The following SULT4A1 variants were observed in gnomAD, a reference collection of about 807,000 sequenced individuals.
The protein encoded by SULT4A1 is sulfotransferase family 4A member 1.
In SULT4A1, 11 loss-of-function variants were observed where a neutral mutation model predicts 35.2. The ratio of observed to expected loss-of-function variants is 0.31; its 90% CI spans 0.20 to 0.52. SULT4A1 has a LOEUF of 0.52. Ranked by LOEUF, SULT4A1 falls within the 20% of genes least tolerant of loss-of-function variation. The probability of loss-of-function intolerance (pLI) is 0.97; values close to 1 mark genes in which losing one functional copy is unlikely to be tolerated. For missense variants in SULT4A1, 271 were observed against 383.7 expected (o/e 0.71, Z 2.45); for synonymous variants, 152 against 151.8 (o/e 1.00, Z -0.01).
intron 1 of SULT4A1, among the ~76,000 whole-genome samples, chr22:43,856,936 G>A (rs1329580296): frequency 6.6e-6 from 1 of 152,072 alleles, no homozygotes; most frequent in Non-Finnish European, 1.5e-5. Flanking sequence ...CACAAAAAAG[G>A]CACACGCGCA....
At chr22:43,839,840 C>T (rs749013505) in intron 3 of SULT4A1, 105 bp downstream of exon 3, 4 of 1,116,150 alleles carry the variant, frequency 3.6e-6, no homozygotes, top group Admixed American at 4.0e-5. Context: ...GAAGACAGCC[C>T]CCAAGGCCAG....
chr22:43,845,778 C>T (rs2063472478), intron 1 of SULT4A1, among the ~76,000 whole-genome samples: 1 of 152,108 alleles, frequency 6.6e-6, no homozygotes, highest in African/African-American at 2.4e-5. Flanking sequence ...ACGAGATTCT[C>T]ATAGGAGCAC....
intron 1 of SULT4A1, among the ~76,000 whole-genome samples, chr22:43,852,527 AG>A (rs947881070): frequency 1.3e-5 from 2 of 152,198 alleles, no homozygotes. Flanking sequence ...GCAACAGCCC[AG>A]GACCTGGGAG....
chr22:43,826,450 G>C (rs928297630), intron 6 of SULT4A1: 1 of 985,114 alleles, frequency 1.0e-6, no homozygotes, highest in Non-Finnish European at 1.2e-6. Flanking sequence ...CCAGCACCTA[G>C]AACGGCACCT....
chr22:43,853,106 A>G (rs2049360485), intron 1 of SULT4A1, among the ~76,000 whole-genome samples: 2 of 151,946 alleles, frequency 1.3e-5, no homozygotes, highest in African/African-American at 2.4e-5. Context: ...CAGCACGCAC[A>G]CACACACCAG....
chr22:43,843,736 C>T (rs1223626022), intron 1 of SULT4A1, among the ~76,000 whole-genome samples: 1 of 152,256 alleles, frequency 6.6e-6, no homozygotes, highest in African/African-American at 2.4e-5. Context: ...CCTCCTCCAT[C>T]CTCCACAGAC....
rs2269601 is a variant in SULT4A1 at position 43,862,156 on chromosome 22, G to C, written c.169+58C>G. On this transcript the variant is annotated intron_variant, in intron 1 of 6. Transcript: ENST00000330884. ...CCCCGGGCGCGGGCGCGGCGTCTAC[G>C]CGGCCGCGCTGCAGGGCTGGGGCAT... The C allele has an allele frequency of 0.23, 302,813 of 1,318,454 alleles. 36,962 individuals carry two copies. The highest frequency in any genetic ancestry group is 0.5 in the East Asian group (15,192 of 30,474). 81.7% of individuals were successfully genotyped at this position (1,318,454 alleles called of 1,614,324 possible).
At chr22:43,827,024 T>C (rs1396935159) in intron 6 of SULT4A1, 1 of 985,360 alleles carries the variant, frequency 1.0e-6, no homozygotes, top group Non-Finnish European at 1.2e-6. Flanking sequence ...CCATTGTCTT[T>C]GTTAATATAA....
At chr22:43,839,818 TG>T in intron 3 of SULT4A1, 126 bp downstream of exon 3, 1 of 849,416 alleles carries the variant, frequency 1.2e-6, no homozygotes. Context: ...TCTTCACGTG[TG>T]GGCTCCTTGG....
intron 5 of SULT4A1, among the ~76,000 whole-genome samples, chr22:43,832,528 A>G (rs1338244315): frequency 2.6e-5 from 4 of 152,060 alleles, no homozygotes; most frequent in Non-Finnish European, 5.9e-5. Flanking sequence ...AAAGCAACCC[A>G]AGAACAACTG....
At chr22:43,843,418 T>C (rs2063449577) in intron 1 of SULT4A1, among the ~76,000 whole-genome samples, 1 of 152,084 alleles carries the variant, frequency 6.6e-6, no homozygotes, top group African/African-American at 2.4e-5. Context: ...TGAGAATCTA[T>C]CTCAAAAAAC....
intron 2 of SULT4A1, 49 bp from the exon 3 acceptor site, chr22:43,840,074 A>C (rs1308571650): frequency 1.9e-6 from 2 of 1,027,066 alleles, no homozygotes; most frequent in Non-Finnish European, 2.7e-6. Context: ...GGTGAGACCA[A>C]GGGGAGGAGT....
At chr22:43,848,944 G>A (rs2063493635) in intron 1 of SULT4A1, among the ~76,000 whole-genome samples, 4 of 152,252 alleles carry the variant, frequency 2.6e-5, no homozygotes, top group South Asian at 2.1e-4. Context: ...TTCGCAAGTC[G>A]GCTGGAAGCA....
intron 1 of SULT4A1, among the ~76,000 whole-genome samples, chr22:43,853,365 G>A (rs1475915032): frequency 1.3e-5 from 2 of 152,236 alleles, no homozygotes; most frequent in South Asian, 2.1e-4. Context: ...ACCCATGACA[G>A]TGGCAGCTCA....
In SULT4A1 at chr22:43,862,314, A is replaced by G. The variant is rs776368429; in HGVS notation, c.69T>C (p.His23=). Reference sequence around the variant, plus strand: ...GGCAGAAGGGCGGCAGCCGCACGCCATGGAACTCGAAGTACTTGCTCTCGA... The same window carrying G: ...GGCAGAAGGGCGGCAGCCGCACGCCGTGGAACTCGAAGTACTTGCTCTCGA... The part of the protein sequence containing the change: ...GEFESKYFEF[H]GVRLPPFCRG... The change falls in exon 1 of 7, where the codon CAT becomes CAC. Residue 23 remains histidine (H), a synonymous_variant. Coordinates refer to ENST00000330884, the MANE Select transcript of SULT4A1 (RefSeq NM_014351.4). 15 of 1,560,690 alleles carry G rather than the reference A, an allele frequency of 9.6e-6. No homozygotes were observed. Among genetic ancestry groups the G allele is most frequent in the Non-Finnish European group, 1.3e-5 (15 of 1,152,352 alleles).
At chr22:43,840,536 C>T (rs2063418555) in intron 2 of SULT4A1, among the ~76,000 whole-genome samples, 1 of 152,136 alleles carries the variant, frequency 6.6e-6, no homozygotes, top group Non-Finnish European at 1.5e-5. Flanking sequence ...AGGATCTGCT[C>T]AGGGGGCCTG....
intron 1 of SULT4A1, among the ~76,000 whole-genome samples, chr22:43,851,700 C>A (rs1223084774): frequency 6.6e-6 from 1 of 152,202 alleles, no homozygotes; most frequent in Non-Finnish European, 1.5e-5. Flanking sequence ...AGTGTGCAGC[C>A]TGTGGGAGAT....
At chr22:43,833,861 G>T in intron 4 of SULT4A1, 127 bp from the exon 5 acceptor site, 1 of 787,138 alleles carries the variant, frequency 1.3e-6, no homozygotes, top group Non-Finnish European at 2.0e-6. Context: ...CGTGATCCCT[G>T]CGGACAAGTC....
chr22:43,828,013 G>A (rs755017565), intron 6 of SULT4A1, among the ~76,000 whole-genome samples: 1 of 152,152 alleles, frequency 6.6e-6, no homozygotes, highest in Non-Finnish European at 1.5e-5. Context: ...GCCCTTAGCC[G>A]TGATCAGCCC....
Sources: gnomAD v4.1 joint callset for allele counts (sites outside exome capture counted in the v4.1 genomes callset) on GRCh38, gnomAD v4.1.1 for gene constraint, MANE v1.5 for transcripts, NCBI Gene and HGNC (gene_info 2026-07-23, HGNC 2026-07-21) for gene names.